Variants in SEMA6D observed in about 807,000 individuals in gnomAD.
SEMA6D encodes the protein semaphorin 6D.
Under a neutral mutation model 106.6 loss-of-function variants are expected in SEMA6D, and 35 were observed. The ratio of observed to expected loss-of-function variants is 0.33; its 90% CI spans 0.25 to 0.44. The LOEUF (loss-of-function observed/expected upper bound fraction) is 0.44. Ranked by LOEUF, SEMA6D falls within the 20% of genes least tolerant of loss-of-function variation. The probability of loss-of-function intolerance (pLI) is 1.00; values close to 1 mark genes in which losing one functional copy is unlikely to be tolerated. For missense variants in SEMA6D, 1,185 were observed against 1,345.9 expected, an observed-to-expected ratio of 0.88 and a Z score of 1.87; for synonymous variants, 499 against 487.7, an observed-to-expected ratio of 1.02 and a Z score of -0.31.
intron 3 of SEMA6D, among the ~76,000 whole-genome samples, chr15:47,510,105 A>C (rs905976810): frequency 3.9e-5 from 6 of 152,174 alleles, no homozygotes; most frequent in Non-Finnish European, 8.8e-5. Context: ...CCATGGACCC[A>C]TACCAGTCCG....
chr15:47,309,656 G>A (rs567674801), intron 1 of SEMA6D, among the ~76,000 whole-genome samples: 1 of 152,246 alleles, frequency 6.6e-6, no homozygotes, highest in Admixed American at 6.5e-5. Flanking sequence ...TATTGCCCTT[G>A]TGTAAGGGGA....
At chr15:47,642,518 C>CA (rs2077507317) in intron 4 of SEMA6D, among the ~76,000 whole-genome samples, 1 of 152,164 alleles carries the variant, frequency 6.6e-6, no homozygotes, top group Non-Finnish European at 1.5e-5. Context: ...CACCCAGAGT[C>CA]ACATTCCTTG....
chr15:47,334,466 ACT>A (rs2037472575), intron 1 of SEMA6D, among the ~76,000 whole-genome samples: 1 of 152,170 alleles, frequency 6.6e-6, no homozygotes, highest in Non-Finnish European at 1.5e-5. Context: ...GGGATCTGAC[ACT>A]GTCTCCAGGT....
intron 1 of SEMA6D, among the ~76,000 whole-genome samples, chr15:47,292,854 A>G (rs967411085): frequency 2.0e-5 from 3 of 152,140 alleles, no homozygotes. Flanking sequence ...ACATTTCCTA[A>G]GGAAATGGGT....
At chr15:47,405,771 C>CT (rs780043867) in intron 1 of SEMA6D, among the ~76,000 whole-genome samples, 4 of 152,164 alleles carry the variant, frequency 2.6e-5, no homozygotes, top group Non-Finnish European at 5.9e-5. Flanking sequence ...ACATGCTTCT[C>CT]TCAATCATTC....
At chr15:47,471,737 T>G (rs73388938) in intron 3 of SEMA6D, among the ~76,000 whole-genome samples, 16,646 of 152,048 alleles carry the variant, frequency 0.11, 2,674 homozygotes, top group African/African-American at 0.35. Flanking sequence ...TACAAGGTAG[T>G]CTGCTTTTGA....
intron 1 of SEMA6D, among the ~76,000 whole-genome samples, chr15:47,276,200 A>C (rs1217538733): frequency 1.3e-5 from 2 of 152,202 alleles, no homozygotes; most frequent in Non-Finnish European, 2.9e-5. Flanking sequence ...TAAAATGTCA[A>C]AGTGAAGCAG....
chr15:47,643,542 A>C (rs2077527797), intron 4 of SEMA6D, among the ~76,000 whole-genome samples: 1 of 152,328 alleles, frequency 6.6e-6, no homozygotes, highest in African/African-American at 2.4e-5. Context: ...TTGGTCTAGC[A>C]TGGGGCCTGA....
At chr15:47,543,730 C>A (rs940332844) in intron 3 of SEMA6D, among the ~76,000 whole-genome samples, 1 of 152,062 alleles carries the variant, frequency 6.6e-6, no homozygotes, top group Non-Finnish European at 1.5e-5. Flanking sequence ...GTGTTTCCTT[C>A]AAGCTCTGGA....
intron 3 of SEMA6D, among the ~76,000 whole-genome samples, chr15:47,559,085 C>T (rs2046001132): frequency 6.6e-6 from 1 of 152,034 alleles, no homozygotes. Flanking sequence ...AGATTCGATC[C>T]ATTTTGTTTG....
chr15:47,600,226 A>G (rs867879561), intron 3 of SEMA6D, among the ~76,000 whole-genome samples: 1 of 152,140 alleles, frequency 6.6e-6, no homozygotes, highest in African/African-American at 2.4e-5. Context: ...TGTTCAAAAT[A>G]TCTTCCTTCA....
intron 3 of SEMA6D, among the ~76,000 whole-genome samples, chr15:47,550,697 C>A (rs2142386580): frequency 6.6e-6 from 1 of 152,286 alleles, no homozygotes; most frequent in East Asian, 1.9e-4. Flanking sequence ...ACTGTCATAG[C>A]AGTTCCTTTT....
intron 2 of SEMA6D, among the ~76,000 whole-genome samples, chr15:47,467,223 T>C (rs1490494487): frequency 1.3e-5 from 2 of 152,158 alleles, no homozygotes; most frequent in Admixed American, 1.3e-4. Flanking sequence ...GTGCCCTCCC[T>C]GCTACAAGGC....
At chr15:47,226,981 A>T (rs1324325490) in intron 1 of SEMA6D, among the ~76,000 whole-genome samples, 1 of 152,054 alleles carries the variant, frequency 6.6e-6, no homozygotes, top group East Asian at 1.9e-4. Flanking sequence ...TTGGTTCAAT[A>T]TGTGTCCTAT....
chr15:47,397,380 G>A (rs1055805420), intron 1 of SEMA6D: 3 of 152,188 alleles, frequency 2.0e-5, no homozygotes, highest in Non-Finnish European at 4.4e-5. Flanking sequence ...TAGATTGCAG[G>A]CCTTATGAGG....
chr15:47,277,805 T>A (rs2034903622), intron 1 of SEMA6D, among the ~76,000 whole-genome samples: 2 of 150,606 alleles, frequency 1.3e-5, no homozygotes, highest in African/African-American at 2.4e-5. Context: ...ATGTTCCCCT[T>A]CCTGTGTCCA....
chr15:47,619,799 T>A (rs2077067567), intron 4 of SEMA6D, among the ~76,000 whole-genome samples: 1 of 152,204 alleles, frequency 6.6e-6, no homozygotes, highest in Admixed American at 6.5e-5. Context: ...TGAAAATGAA[T>A]GGAATTTTTG....
At chr15:47,281,375 T>G (rs1299655151) in intron 1 of SEMA6D, among the ~76,000 whole-genome samples, 9 of 141,998 alleles carry the variant, frequency 6.3e-5, no homozygotes, top group African/African-American at 7.9e-5. Context: ...GTTTTCCATT[T>G]GCTTGGTAGA....
At chr15:47,396,251 G>A (rs1388678841) in intron 1 of SEMA6D, 2 of 152,102 alleles carry the variant, frequency 1.3e-5, no homozygotes, top group Admixed American at 1.3e-4. Context: ...AGCTGACTAA[G>A]TTAGGGGCTG....
Sources: allele counts gnomAD v4.1 joint callset (sites outside exome capture counted in the v4.1 genomes callset), GRCh38; gene constraint gnomAD v4.1.1; transcripts MANE v1.5; gene names NCBI Gene and HGNC (gene_info 2026-07-23, HGNC 2026-07-21).